Variants in RBMS2 observed in about 807,000 individuals in gnomAD.
The protein encoded by RBMS2 is RNA binding motif single stranded interacting protein 2.
In RBMS2, 38 loss-of-function variants were observed where a neutral mutation model predicts 58.4. The observed-to-expected ratio is 0.65, with a 90% CI of 0.50 to 0.85. The LOEUF (loss-of-function observed/expected upper bound fraction) is 0.85, where lower values mean the gene tolerates loss of function less well. RBMS2 is among the 40% of genes least tolerant of loss of function. The pLI is 0.00. For synonymous variants in RBMS2, 151 were observed against 180.7 expected (o/e 0.84, Z 1.32); for missense variants, 367 against 503.7 (o/e 0.73, Z 2.60).
chr12:56,583,764 G>A (rs1035858521), intron 9 of RBMS2, among the ~76,000 whole-genome samples: 1 of 152,096 alleles, frequency 6.6e-6, no homozygotes, highest in African/African-American at 2.4e-5. Flanking sequence ...ATTTGTCATA[G>A]TTTGATTGGC....
At chr12:56,564,956 G>GATATACA (rs1671595689) in intron 2 of RBMS2, among the ~76,000 whole-genome samples, 1 of 152,120 alleles carries the variant, frequency 6.6e-6, no homozygotes, top group South Asian at 2.1e-4. Context: ...AGGTTGTAGT[G>GATATACA]AGCCGAGATC....
In RBMS2 at chr12:56,594,171, T is replaced by A; in HGVS notation, c.*5038T>A. On this transcript the variant is annotated 3_prime_UTR_variant, in exon 14 of 14. Transcript: ENST00000262031. ...CACTCCAATGTCAACCCGTGGGCTGTTACTTTGCGTCATATGATGCTGTGA... is the reference window on the plus strand; with the variant it reads ...CACTCCAATGTCAACCCGTGGGCTGATACTTTGCGTCATATGATGCTGTGA... 1 of 152,252 alleles carries A rather than the reference T, an allele frequency of 6.6e-6. No homozygotes were observed. The highest frequency in any genetic ancestry group is 2.4e-5 in the African/African-American group (1 of 41,460). 9.4% of individuals were successfully genotyped at this position (152,252 alleles called of 1,614,324 possible).
Position 56,589,378 on chromosome 12 carries a change from A to T in RBMS2, c.*245A>T. The T allele has an allele frequency of 5.6e-6, 6 of 1,067,508 alleles. No individual in the cohort carries two copies. The highest frequency in any genetic ancestry group is 7.0e-6 in the Non-Finnish European group (6 of 851,814). 66.1% of individuals were successfully genotyped at this position (1,067,508 alleles called of 1,614,324 possible). ...TTTTTTGTGTGCTACATTCAAGGAGATCAAAAAAACTTTTCTTCTTTTGCA... is the reference window on the plus strand; with the variant it reads ...TTTTTTGTGTGCTACATTCAAGGAGTTCAAAAAAACTTTTCTTCTTTTGCA... On this transcript the variant is annotated 3_prime_UTR_variant, in exon 14 of 14. Transcript: ENST00000262031.
rs369970899 is a variant in RBMS2, at chr12:56,576,230, G to A, written c.542+4375G>A. ...TGTGCACCTGTAGTCCCAGGTACTC[G>A]GGAGGCTGAGGCAGTAGAATTGCTT... On this transcript the variant is annotated intron_variant, in intron 5 of 13. Transcript: ENST00000262031. Among the ~76,000 whole-genome samples the A allele has an allele frequency of 7.2e-5, 11 of 151,838 alleles. No homozygotes were observed. The East Asian group carries it at 9.7e-4, about 13-fold the overall frequency.
At chr12:56,520,478 G>T (rs1871629990), upstream of RBMS2, among the ~76,000 whole-genome samples, 1 of 152,158 alleles carries the variant, frequency 6.6e-6, no homozygotes, top group South Asian at 2.1e-4. Flanking sequence ...TACTTAGGAT[G>T]GCAGCAAGGT....
intron 1 of RBMS2, among the ~76,000 whole-genome samples, chr12:56,556,485 C>T (rs1879259171): frequency 6.6e-6 from 1 of 151,526 alleles, no homozygotes; most frequent in Non-Finnish European, 1.5e-5. Flanking sequence ...AAGCGATTCT[C>T]CTGCCTCAGC....
intron 5 of RBMS2, among the ~76,000 whole-genome samples, chr12:56,577,628 C>T (rs987595190): frequency 6.6e-6 from 1 of 151,830 alleles, no homozygotes; most frequent in Non-Finnish European, 1.5e-5. Flanking sequence ...GCCCCCACCA[C>T]CATGCCCAGC....
At chr12:56,574,950 C>G (rs1001565475) in intron 5 of RBMS2, among the ~76,000 whole-genome samples, 1 of 151,696 alleles carries the variant, frequency 6.6e-6, no homozygotes, top group African/African-American at 2.4e-5. Context: ...AGATCGAGAT[C>G]ATCCTGGCTA....
At chr12:56,587,714 CCTGTGTAATA>C (rs1565785215) in intron 11 of RBMS2, 50 bp downstream of exon 11, 1 of 1,576,516 alleles carries the variant, frequency 6.3e-7, no homozygotes, top group Non-Finnish European at 8.7e-7. Context: ...GCAAGGCATA[CCTGTGTAATA>C]CTCTTCAGCG....
At chr12:56,579,226 C>T (rs1883562620) in intron 5 of RBMS2, among the ~76,000 whole-genome samples, 1 of 152,174 alleles carries the variant, frequency 6.6e-6, no homozygotes, top group South Asian at 2.1e-4. Flanking sequence ...CCACGGCCTG[C>T]TTACCCTTTG....
Position 56,582,068 on chromosome 12 carries a change from A to C in RBMS2, c.789A>C (p.Pro263=), listed in dbSNP as rs937706918. Residue 263 remains proline (P), a synonymous_variant, in exon 9 of 14, where the codon CCA becomes CCC. Coordinates refer to ENST00000262031, the MANE Select transcript of RBMS2 (RefSeq NM_002898.4). ...AGGTTCCTTCCCACAGGTTTTACCC[A>C]GCCCCCTATAACATCACCCCCAACA... is the stretch of plus-strand genomic sequence containing the variant. ...PTTALQNGFY[P]APYNITPNRM... The C allele has an allele frequency of 6.2e-7, 1 of 1,606,192 alleles. No individual in the cohort carries two copies. The highest frequency in any genetic ancestry group is 8.5e-7 in the Non-Finnish European group (1 of 1,175,916).
chr12:56,582,678 G>T (rs1344287322), intron 9 of RBMS2, among the ~76,000 whole-genome samples: 1 of 152,102 alleles, frequency 6.6e-6, no homozygotes, highest in Admixed American at 6.6e-5. Flanking sequence ...TTGTTTGTTT[G>T]TTTGTTTTAA....
At position 56,570,155 on chromosome 12, in the gene RBMS2, G is replaced by A; in HGVS notation, c.384+165G>A. The A allele has an allele frequency of 8.3e-6, 5 of 602,090 alleles. 1 individual carries two copies. In the South Asian group the frequency reaches 1.0e-4, roughly 13 times the overall value. 37.3% of individuals were successfully genotyped at this position (602,090 alleles called of 1,614,324 possible). A position where few individuals can be genotyped will look rare whatever the true frequency, so the allele number is the denominator to read the frequency against. ...TGAGCACCCCTGGCTGCTGGAGGAA[G>A]ATGTATTCAAAGTCTATGGCAGGTA... On this transcript the variant is annotated intron_variant, in intron 4 of 13. Transcript: ENST00000262031.
chr12:56,552,527 A>G (rs1386462626), intron 1 of RBMS2, among the ~76,000 whole-genome samples: 1 of 152,168 alleles, frequency 6.6e-6, no homozygotes, highest in Non-Finnish European at 1.5e-5. Flanking sequence ...GCAGAAGGAA[A>G]GCAAGAGAGG....
chr12:56,552,120 T>A (rs192871050), intron 1 of RBMS2, among the ~76,000 whole-genome samples: 2 of 152,328 alleles, frequency 1.3e-5, no homozygotes, highest in East Asian at 3.9e-4. Context: ...TGAAGTATGA[T>A]TTATTAACTA....
intron 4 of RBMS2, 55 bp downstream of exon 4, chr12:56,570,045 G>C (rs1882029590): frequency 1.3e-6 from 2 of 1,504,248 alleles, no homozygotes; most frequent in South Asian, 2.3e-5. Context: ...TAGCACCAAA[G>C]TTCCAGTTCT....
chr12:56,536,181 CAA>C (rs1432749652), intron 1 of RBMS2, among the ~76,000 whole-genome samples: 9 of 99,806 alleles, frequency 9.0e-5, no homozygotes, highest in African/African-American at 3.8e-4. Flanking sequence ...GCCTGGGTGA[CAA>C]GAGTGAAACT....
chr12:56,559,249 G>A (rs1044851142), intron 1 of RBMS2, among the ~76,000 whole-genome samples: 2 of 151,654 alleles, frequency 1.3e-5, no homozygotes, highest in Admixed American at 6.6e-5. Context: ...GCACAATCTC[G>A]GCTCACTGCA....
intron 1 of RBMS2, among the ~76,000 whole-genome samples, chr12:56,556,082 A>G (rs895296022): frequency 2.6e-5 from 4 of 151,568 alleles, no homozygotes; most frequent in Admixed American, 2.6e-4. Context: ...GTGAGAAATA[A>G]CCTCAATTCC....
Sources: gnomAD v4.1 joint callset for allele counts (sites outside exome capture counted in the v4.1 genomes callset) on GRCh38, gnomAD v4.1.1 for gene constraint, MANE v1.5 for transcripts, NCBI Gene and HGNC (gene_info 2026-07-23, HGNC 2026-07-21) for gene names.